The following PGF variants were observed in gnomAD, a reference collection of about 807,000 sequenced individuals.
PGF encodes the protein placental growth factor, also known as placenta growth factor.
A neutral mutation model predicts 25.3 loss-of-function variants in PGF; 11 were observed. The ratio of observed to expected loss-of-function variants is 0.43; its 90% confidence interval spans 0.27 to 0.72. The LOEUF is 0.72. Among genes scored for constraint, PGF ranks in the 30% least tolerant of loss-of-function variants. PGF has a pLI of 0.18. For synonymous variants in PGF, 105 were observed against 97.9 expected, an observed-to-expected ratio of 1.07 and a Z score of -0.43; for missense variants, 230 against 234.9, an observed-to-expected ratio of 0.98 and a Z score of 0.14.
rs202102842 is a variant in PGF, at chr14:74,948,599, G to A, written c.316-16C>T. On this transcript the variant is annotated splice_polypyrimidine_tract_variant and intron_variant, in intron 3 of 6. Transcript: ENST00000555567. ...TCTTTAGGAGCTGAAGGAAGAAAGA[G>A]TTGATGCCTGGATTGGGGAGTGGCC... 47 of 1,576,048 alleles carry A rather than the reference G, an allele frequency of 3.0e-5. No homozygotes were observed. The highest frequency in any genetic ancestry group is 3.7e-5 in the Non-Finnish European group (43 of 1,149,428).
At chr14:74,952,033 A>C (rs1888884116) in intron 2 of PGF, among the ~76,000 whole-genome samples, 1 of 151,970 alleles carries the variant, frequency 6.6e-6, no homozygotes, top group African/African-American at 2.4e-5. Flanking sequence ...GAGCAACGGG[A>C]AGCTGTGGCC....
At chr14:74,945,143 A>C (rs1888701108) in intron 6 of PGF, 1 of 151,882 alleles carries the variant, frequency 6.6e-6, no homozygotes, top group Non-Finnish European at 1.5e-5. Flanking sequence ...CTGGCCTCGA[A>C]CTTCTGACCT....
chr14:74,948,715 T>G (rs1460551351), intron 3 of PGF, 132 bp from the exon 4 acceptor site: 2 of 536,066 alleles, frequency 3.7e-6, no homozygotes, highest in Non-Finnish European at 6.6e-6. Flanking sequence ...CTCACTCCAC[T>G]CTGAACGTGG....
rs1484805817 is a variant in PGF, at chr14:74,955,209, G to T, written c.34C>A (p.Gln12Lys). 2.0e-6 allele frequency: 3 copies of T among 1,489,878 alleles called. No individual in the cohort carries two copies. Among genetic ancestry groups the T allele is most frequent in the Non-Finnish European group, 2.7e-6 (3 of 1,112,536 alleles). The allele number at this position is 1,489,878 out of a possible 1,614,324, so 92.3% of individuals were successfully genotyped here. Residue 12 changes from glutamine (Q) to lysine (K), a missense_variant, in exon 1 of 7, where the codon CAG becomes AAG. Physicochemically the swap from Gln to Lys is moderately conservative, Grantham distance 53. Coordinates refer to ENST00000555567, the MANE Select transcript of PGF (RefSeq NM_002632.6). The surrounding 1 kb of genome is among the most constrained non-coding windows in gnomAD (Gnocchi z 4.1). ...GGCAGCGCCAGCCCGGCCAGGAGCT[G>T]CAGGAAGCAAGGGAACAGCCTCATG... ...PVMRLFPCFLQLLAGLALPAV... is the reference protein window; with the variant it reads ...PVMRLFPCFLKLLAGLALPAV...
chr14:74,954,011 TG>T, intron 1 of PGF, 65 bp from the exon 2 acceptor site: 2 of 1,540,688 alleles, frequency 1.3e-6, no homozygotes, highest in Non-Finnish European at 1.8e-6. Context: ...TTGGGCCAAG[TG>T]TGATGGCAAG....
At chr14:74,954,228 A>T in intron 1 of PGF, 1 of 465,044 alleles carries the variant, frequency 2.2e-6, no homozygotes, top group South Asian at 2.7e-5. Context: ...AAGATCTTCC[A>T]ATCCTGCGGG....
rs1888735310 is a variant in PGF, at chr14:74,946,378, C to T, written c.422+1G>A. Reference sequence around the variant, plus strand: ...CCCCGAGCCCCAGCCAAACCACTTACCTTTCCGGCTTCATCTTCTCCCGCA... The same window carrying T: ...CCCCGAGCCCCAGCCAAACCACTTATCTTTCCGGCTTCATCTTCTCCCGCA... On this transcript the variant is annotated splice_donor_variant, in intron 5 of 6. Transcript: ENST00000555567. LOFTEE classifies it high-confidence loss of function. 1 of 1,612,674 alleles carries T rather than the reference C, an allele frequency of 6.2e-7. No individual in the cohort carries two copies. The highest frequency in any genetic ancestry group is 1.1e-5 in the South Asian group (1 of 90,946).
intron 6 of PGF, 177 bp downstream of exon 6, chr14:74,946,036 A>AC: frequency 1.7e-6 from 1 of 601,680 alleles, no homozygotes; most frequent in East Asian, 2.8e-5. Context: ...CGGGACAAAA[A>AC]CCAAGGTCCA....
rs1276491200 is a variant in PGF, at chr14:74,955,238, G to A, written c.5C>T (p.Pro2Leu). The A allele has an allele frequency of 6.8e-6, 10 of 1,470,958 alleles. No individual in the cohort carries two copies. In the South Asian group the frequency reaches 9.3e-5, roughly 14 times the overall value. The allele number at this position is 1,470,958 out of a possible 1,614,324, so 91.1% of individuals were successfully genotyped here. A position where few individuals can be genotyped will look rare whatever the true frequency, so the allele number is the denominator to read the frequency against. Reference sequence around the variant, plus strand: ...GAAGCAAGGGAACAGCCTCATGACCGGCATCTTCTCAGACGTCCCGAGCCA... The same window carrying A: ...GAAGCAAGGGAACAGCCTCATGACCAGCATCTTCTCAGACGTCCCGAGCCA... M[P>L]VMRLFPCFLQ... is the part of the protein sequence containing the mutation. The change falls in exon 1 of 7, where the codon CCG (proline) becomes CTG (leucine). Residue 2 changes from proline (P) to leucine (L), a missense_variant. Coordinates refer to ENST00000555567, the MANE Select transcript of PGF (RefSeq NM_002632.6). The surrounding 1 kb of genome is among the most constrained non-coding windows in gnomAD (Gnocchi z 4.1).
chr14:74,953,430 C>G lies in PGF; in HGVS notation c.118+474G>C, dbSNP rs1009312363. Among the ~76,000 whole-genome samples the G allele has an allele frequency of 1.7e-4, 26 of 152,186 alleles. No homozygotes were observed. The highest frequency in any genetic ancestry group is 6.0e-4 in the African/African-American group (25 of 41,438). On this transcript the variant is annotated intron_variant, in intron 2 of 6. Transcript: ENST00000555567. This position sits in a 1 kb window ranked among gnomAD's most constrained non-coding sequence, Gnocchi z 5.4. ...GGGCCAGGGAGGGCGCGACTATGTTCTGTCTGTTTATAATCAATGGAAACG... is the reference window on the plus strand; with the variant it reads ...GGGCCAGGGAGGGCGCGACTATGTTGTGTCTGTTTATAATCAATGGAAACG...
intron 4 of PGF, 157 bp from the exon 5 acceptor site, chr14:74,946,565 G>T: frequency 1.5e-6 from 1 of 684,590 alleles, no homozygotes; most frequent in Non-Finnish European, 2.5e-6. Flanking sequence ...CAAGGGAGAG[G>T]TGGCCAGAGC....
At chr14:74,949,710 C>T (rs1218922068) in intron 2 of PGF, among the ~76,000 whole-genome samples, 157 bp from the exon 3 acceptor site, 2 of 152,214 alleles carry the variant, frequency 1.3e-5, no homozygotes, top group Non-Finnish European at 2.9e-5. Flanking sequence ...CTCCGAAATG[C>T]CTGCGGGCCC....
intron 6 of PGF, chr14:74,944,971 G>A (rs1888695359): frequency 2.0e-5 from 3 of 148,582 alleles, no homozygotes; most frequent in Admixed American, 6.7e-5. Context: ...ACCCAGGCTG[G>A]AGTGCAGTGG....
Position 74,948,561 on chromosome 14 carries a change from T to C in PGF, c.338A>G (p.Asp113Gly). The C allele has an allele frequency of 6.2e-7, 1 of 1,603,666 alleles. No individual in the cohort carries two copies. The highest frequency in any genetic ancestry group is 8.5e-7 in the Non-Finnish European group (1 of 1,172,122). Residue 113 changes from aspartate to glycine, a missense_variant, in exon 4 of 7, where the codon GAC becomes GGC. Transcript: ENST00000555567. ...CGTCAGCTCCACGTAGGAGGGCCGGTCCCCAGAACGGATCTTTAGGAGCTG... is the reference window on the plus strand; with the variant it reads ...CGTCAGCTCCACGTAGGAGGGCCGGCCCCCAGAACGGATCTTTAGGAGCTG... Reference protein sequence around the residue: ...TMQLLKIRSGDRPSYVELTFS... With the variant: ...TMQLLKIRSGGRPSYVELTFS...
In PGF at chr14:74,942,545, G is replaced by T; in HGVS notation, c.*161C>A. On this transcript the variant is annotated 3_prime_UTR_variant, in exon 7 of 7. Coordinates refer to ENST00000555567, the MANE Select transcript of PGF (RefSeq NM_002632.6). ...TGTTGAAGGCACTGAATTCCTGAGG[G>T]TCCTGTCCTTCCCTGCCCCTCGTCT... 2 of 711,554 alleles carry T rather than the reference G, an allele frequency of 2.8e-6. No homozygotes were observed. Among genetic ancestry groups the T allele is most frequent in the Non-Finnish European group, 5.0e-6 (2 of 402,314 alleles). 44.1% of individuals were successfully genotyped at this position (711,554 alleles called of 1,614,324 possible).
Position 74,949,495 on chromosome 14 carries a change from C to T in PGF, c.177G>A (p.Val59=). Residue 59 remains valine (V), a synonymous_variant, in exon 3 of 7, where the codon GTG becomes GTA. Coordinates refer to ENST00000555567, the MANE Select transcript of PGF (RefSeq NM_002632.6). ...RSYCRALERL[V]DVVSEYPSEV... Reference sequence around the variant, plus strand: ...CGCTGGGGTACTCGGACACGACGTCCACCAGCCTCTCCAGCGCCCGGCAGT... The same window carrying T: ...CGCTGGGGTACTCGGACACGACGTCTACCAGCCTCTCCAGCGCCCGGCAGT... 6.2e-7 allele frequency: 1 copy of T among 1,608,928 alleles called. No homozygotes were observed. Among genetic ancestry groups the T allele is most frequent in the Non-Finnish European group, 8.5e-7 (1 of 1,177,910 alleles).
In PGF at chr14:74,946,195, G is replaced by T. The variant is rs372828097; in HGVS notation, c.485+18C>A. ...CGGGCCCAGCCTCCTCGCCATCCCT[G>T]GGACCCCGCACACTCACAGGTGGCA... On this transcript the variant is annotated intron_variant, in intron 6 of 6. Transcript: ENST00000555567. 3.7e-6 allele frequency: 6 copies of T among 1,612,336 alleles called. No individual in the cohort carries two copies. Among genetic ancestry groups the T allele is most frequent in the Non-Finnish European group, 2.5e-6 (3 of 1,178,700 alleles).
chr14:74,943,020 T>C (rs1465821881), intron 6 of PGF, among the ~76,000 whole-genome samples: 1 of 152,182 alleles, frequency 6.6e-6, no homozygotes, highest in Non-Finnish European at 1.5e-5. Context: ...ATTAGGAAAC[T>C]GAGGCCCAGA....
At chr14:74,942,868 C>T in intron 6 of PGF, 135 bp from the exon 7 acceptor site, 1 of 706,454 alleles carries the variant, frequency 1.4e-6, no homozygotes, top group Non-Finnish European at 2.2e-6. Flanking sequence ...GCTCCTGGGT[C>T]CCTGCTTGCT....
Sources: allele counts gnomAD v4.1 joint callset (sites outside exome capture counted in the v4.1 genomes callset), GRCh38; gene constraint gnomAD v4.1.1; non-coding constraint Gnocchi (gnomAD v3.1); transcripts MANE v1.5; gene names NCBI Gene and HGNC (gene_info 2026-07-23, HGNC 2026-07-21).